The following ARMH4 variants were observed in gnomAD, a reference collection of about 807,000 sequenced individuals.
ARMH4 encodes the protein armadillo like helical domain containing 4.
Under a neutral mutation model 61.9 loss-of-function variants are expected in ARMH4, and 49 were observed. The observed-to-expected ratio is 0.79, with a 90% CI of 0.63 to 1.00. The LOEUF (loss-of-function observed/expected upper bound fraction) is 1.00, where lower values mean the gene tolerates loss of function less well. ARMH4 is among the 50% of genes least tolerant of loss of function. The pLI, the probability that ARMH4 is intolerant of heterozygous loss-of-function variation, is 0.00. For missense variants in ARMH4, 934 were observed against 930.0 expected (o/e 1.00, Z -0.06); for synonymous variants, 368 against 341.5 (o/e 1.08, Z -0.85).
chr14:58,127,988 T>G (rs1163999579), intron 4 of ARMH4, among the ~76,000 whole-genome samples: 1 of 152,240 alleles, frequency 6.6e-6, no homozygotes, highest in African/African-American at 2.4e-5. Context: ...TAGATTTTTC[T>G]GAATATGGAA....
At chr14:58,057,708 C>A (rs914297423) in intron 5 of ARMH4, among the ~76,000 whole-genome samples, 13 of 152,146 alleles carry the variant, frequency 8.5e-5, no homozygotes, top group African/African-American at 3.1e-4. Context: ...TCTGGGAAAA[C>A]TATTTAGCTG....
Position 58,001,822 on chromosome 14 carries a change from T to C in ARMH4, c.*2914A>G, listed in dbSNP as rs1462694425. On this transcript the variant is annotated 3_prime_UTR_variant, in exon 8 of 8. Coordinates refer to ENST00000267485, the MANE Select transcript of ARMH4 (RefSeq NM_001001872.4). The stretch of plus-strand genomic sequence containing the variant: ...CAGGTGATTTTTATGAGCCTGCAAA[T>C]TCTGGAAACACTGCCTCTCCCTCCG... 7.2e-5 allele frequency: 11 copies of C among 152,060 alleles called. No individual in the cohort carries two copies. The highest frequency in any genetic ancestry group is 1.6e-4 in the Non-Finnish European group (11 of 68,026). 9.4% of individuals were successfully genotyped at this position (152,060 alleles called of 1,614,324 possible).
At chr14:58,031,792 T>C (rs1319501472) in intron 5 of ARMH4, among the ~76,000 whole-genome samples, 1 of 152,204 alleles carries the variant, frequency 6.6e-6, no homozygotes, top group African/African-American at 2.4e-5. Flanking sequence ...TGAAAAGTTC[T>C]CTCTGCCATT....
At chr14:58,133,496 A>G (rs910843117) in intron 2 of ARMH4, among the ~76,000 whole-genome samples, 155 bp from the exon 3 acceptor site, 1 of 152,222 alleles carries the variant, frequency 6.6e-6, no homozygotes, top group African/African-American at 2.4e-5. Context: ...ATGACAGTAA[A>G]TAAATGTTTT....
chr14:58,123,590 G>A (rs988919226), intron 4 of ARMH4, among the ~76,000 whole-genome samples: 1 of 152,154 alleles, frequency 6.6e-6, no homozygotes, highest in Non-Finnish European at 1.5e-5. Flanking sequence ...CTCATACTCT[G>A]CTTTCCCAAA....
chr14:58,055,691 CAG>C (rs1884326969), intron 5 of ARMH4, among the ~76,000 whole-genome samples: 1 of 152,176 alleles, frequency 6.6e-6, no homozygotes, highest in African/African-American at 2.4e-5. Context: ...CCTCCTGAAT[CAG>C]AATCTGCACT....
At chr14:58,149,903 A>G (rs1330344928) in intron 1 of ARMH4, among the ~76,000 whole-genome samples, 1 of 152,248 alleles carries the variant, frequency 6.6e-6, no homozygotes, top group Non-Finnish European at 1.5e-5. Flanking sequence ...TGTCAAATAC[A>G]GAAATGTGAG....
intron 6 of ARMH4, among the ~76,000 whole-genome samples, chr14:58,007,947 C>G (rs756453988): frequency 8.6e-5 from 13 of 151,938 alleles, no homozygotes; most frequent in Non-Finnish European, 1.6e-4. Flanking sequence ...TAAAAGATGG[C>G]TATAAAAATG....
Position 58,115,056 on chromosome 14 carries a change from C to A in ARMH4, c.1831+16456G>T, listed in dbSNP as rs1392115677. On this transcript the variant is annotated intron_variant, in intron 4 of 7. Transcript: ENST00000267485. ...GGCAAAGAATTTATGACTAAGTCCC[C>A]AAAAGCATTTGCAACAAAAATAAAA... Among the ~76,000 whole-genome samples the A allele has an allele frequency of 1.6e-4, 24 of 152,072 alleles. 1 individual carries two copies.
chr14:58,075,117 G>C (rs1243976794), intron 5 of ARMH4, among the ~76,000 whole-genome samples: 1 of 152,242 alleles, frequency 6.6e-6, no homozygotes, highest in Non-Finnish European at 1.5e-5. Flanking sequence ...AGATGTTGGA[G>C]AGGATGTGGA....
At position 58,133,192 on chromosome 14, in the gene ARMH4, C is replaced by T. The variant is rs1450725633; in HGVS notation, c.1519G>A (p.Val507Ile). Residue 507 changes from valine to isoleucine, a missense_variant, in exon 3 of 8, where the codon GTT becomes ATT. Transcript: ENST00000267485. ...CTTGACAGCTGAGTAACACCAGGAA[C>T]GTCAGACACAGGAGAGGGGTCCTCC... ...EKEDPSPVSD[V>I]PGVTQLSRRW... 2.5e-6 allele frequency: 4 copies of T among 1,614,116 alleles called. No homozygotes were observed. Among genetic ancestry groups the T allele is most frequent in the Non-Finnish European group, 3.4e-6 (4 of 1,180,024 alleles).
intron 5 of ARMH4, among the ~76,000 whole-genome samples, chr14:58,093,180 C>G (rs1163378530): frequency 6.6e-6 from 1 of 152,126 alleles, no homozygotes; most frequent in Non-Finnish European, 1.5e-5. Context: ...TTCCTGAGGC[C>G]TCCCCAGCCC....
At chr14:58,144,582 A>G (rs537825276) in intron 1 of ARMH4, among the ~76,000 whole-genome samples, 1 of 152,116 alleles carries the variant, frequency 6.6e-6, no homozygotes, top group East Asian at 1.9e-4. Context: ...AACAAAACAT[A>G]TGAGGCCTGG....
rs140068073 is a variant in ARMH4 at position 58,150,208 on chromosome 14, C to G, written c.-57+1867G>C. On this transcript the variant is annotated intron_variant, in intron 1 of 7. Transcript: ENST00000267485. ...GCTGACATTTAAAGGGAAGCTGAAA[C>G]TAGCTTCAGATACTTCTCTTATAAT... Among the ~76,000 whole-genome samples, 33 of 152,306 alleles carry G rather than the reference C, an allele frequency of 2.2e-4. No homozygotes were observed. In the East Asian group the frequency reaches 6.0e-3, roughly 28 times the overall value.
intron 5 of ARMH4, among the ~76,000 whole-genome samples, chr14:58,021,965 G>A (rs1454456395): frequency 6.6e-6 from 1 of 152,148 alleles, no homozygotes; most frequent in Non-Finnish European, 1.5e-5. Context: ...TAGTATAGTA[G>A]TTTCCTAAAG....
intron 4 of ARMH4, among the ~76,000 whole-genome samples, chr14:58,103,040 T>A (rs1258607739): frequency 6.7e-6 from 1 of 148,520 alleles, no homozygotes; most frequent in Non-Finnish European, 1.5e-5. Context: ...GGCTGACGCA[T>A]GAGAATTGCT....
chr14:58,085,844 C>T (rs985893060), intron 5 of ARMH4, among the ~76,000 whole-genome samples: 1 of 151,970 alleles, frequency 6.6e-6, no homozygotes, highest in Non-Finnish European at 1.5e-5. Flanking sequence ...GTACCATTAA[C>T]CCAACAGCTC....
At chr14:58,098,185 C>A (rs994853080) in intron 4 of ARMH4, among the ~76,000 whole-genome samples, 1 of 152,204 alleles carries the variant, frequency 6.6e-6, no homozygotes, top group African/African-American at 2.4e-5. Flanking sequence ...TTCTACACAA[C>A]TTTCTCCACC....
chr14:58,036,961 A>C (rs1488397699), intron 5 of ARMH4, among the ~76,000 whole-genome samples: 1 of 118,400 alleles, frequency 8.4e-6, no homozygotes, highest in Non-Finnish European at 1.9e-5. Context: ...ATATCGTGAA[A>C]ACGGCCATAC....
Sources: gnomAD v4.1 joint callset for allele counts (sites outside exome capture counted in the v4.1 genomes callset) on GRCh38, gnomAD v4.1.1 for gene constraint, MANE v1.5 for transcripts, NCBI Gene and HGNC (gene_info 2026-07-23, HGNC 2026-07-21) for gene names.